The following TAFA1 variants were observed in gnomAD, a reference collection of about 807,000 sequenced individuals.
The protein encoded by TAFA1 is chemokine-like protein TAFA-1.
Under a neutral mutation model 18.5 loss-of-function variants are expected in TAFA1, and 4 were observed. The ratio of observed to expected loss-of-function variants is 0.22; its 90% CI spans 0.11 to 0.49. The LOEUF (loss-of-function observed/expected upper bound fraction) is 0.49, where lower values mean the gene tolerates loss of function less well. TAFA1 is among the 20% of genes least tolerant of loss of function. The pLI is 0.98. For missense variants in TAFA1, 147 were observed against 169.0 expected (o/e 0.87, Z 0.72); for synonymous variants, 56 against 55.2 (o/e 1.01, Z -0.06).
chr3:68,153,173 A>G (rs908003165), intron 2 of TAFA1, among the ~76,000 whole-genome samples: 42 of 152,176 alleles, frequency 2.8e-4, no homozygotes, highest in Non-Finnish European at 1.5e-4. Context: ...TAATTTTCTC[A>G]GCAAATATTT....
chr3:68,459,114 A>T (rs190972298), intron 3 of TAFA1, among the ~76,000 whole-genome samples: 141 of 152,250 alleles, frequency 9.3e-4, no homozygotes, highest in African/African-American at 3.2e-3. Flanking sequence ...TTTGCCCGTC[A>T]TTGAGTGCAG....
At chr3:68,016,552 G>A (rs1330757021) in intron 2 of TAFA1, among the ~76,000 whole-genome samples, 2 of 152,156 alleles carry the variant, frequency 1.3e-5, no homozygotes, top group African/African-American at 4.8e-5. Flanking sequence ...TATACAGCTT[G>A]TAGCTTAGGA....
chr3:68,123,772 T>C (rs1424381176), intron 2 of TAFA1, among the ~76,000 whole-genome samples: 1 of 151,618 alleles, frequency 6.6e-6, no homozygotes, highest in Non-Finnish European at 1.5e-5. Flanking sequence ...AATAAACTGG[T>C]TATTTGTCCC....
intron 3 of TAFA1, among the ~76,000 whole-genome samples, chr3:68,477,547 T>G (rs2072125344): frequency 6.6e-6 from 1 of 152,058 alleles, no homozygotes; most frequent in South Asian, 2.1e-4. Flanking sequence ...GCTAATTTTT[T>G]TTTTTGTATT....
chr3:68,339,999 C>G (rs1159100485), intron 2 of TAFA1, among the ~76,000 whole-genome samples: 1 of 152,168 alleles, frequency 6.6e-6, no homozygotes, highest in East Asian at 1.9e-4. Context: ...GTTTCCTATC[C>G]TTTTTATTTT....
intron 2 of TAFA1, among the ~76,000 whole-genome samples, chr3:68,111,890 T>A (rs1311429460): frequency 6.6e-6 from 1 of 152,104 alleles, no homozygotes; most frequent in Non-Finnish European, 1.5e-5. Context: ...CATTAATAAT[T>A]GCATTAAATG....
chr3:67,998,042 TA>T, the TAFA1 span, among the ~76,000 whole-genome samples: 1 of 151,302 alleles, frequency 6.6e-6, no homozygotes, highest in Non-Finnish European at 1.5e-5. Flanking sequence ...AAACATATAT[TA>T]AACAAAAAAA....
intron 2 of TAFA1, among the ~76,000 whole-genome samples, chr3:68,283,953 A>G (rs1395996515): frequency 6.6e-6 from 1 of 152,188 alleles, no homozygotes; most frequent in Non-Finnish European, 1.5e-5. Flanking sequence ...GGATACATCA[A>G]CTTTAACCAG....
intron 2 of TAFA1, among the ~76,000 whole-genome samples, chr3:68,087,057 G>T (rs1388039161): frequency 6.6e-6 from 1 of 152,138 alleles, no homozygotes; most frequent in African/African-American, 2.4e-5. Flanking sequence ...GGCATTTGTG[G>T]CTTTTTGCAC....
intron 2 of TAFA1, among the ~76,000 whole-genome samples, chr3:68,119,571 C>T (rs1036655399): frequency 3.9e-5 from 5 of 128,174 alleles, no homozygotes; most frequent in Admixed American, 7.7e-5. Context: ...TGTCCAACTT[C>T]GTTTTTTTTT....
At chr3:68,082,861 G>A (rs192531470) in intron 2 of TAFA1, among the ~76,000 whole-genome samples, 15 of 152,248 alleles carry the variant, frequency 9.9e-5, no homozygotes, top group Non-Finnish European at 2.1e-4. Context: ...CGGAGCTATC[G>A]AGTCCTGGTT....
chr3:68,079,175 T>C (rs2064864821), intron 2 of TAFA1, among the ~76,000 whole-genome samples: 1 of 152,258 alleles, frequency 6.6e-6, no homozygotes, highest in Admixed American at 6.5e-5. Flanking sequence ...TATCATTTTT[T>C]ATTGCCGTCT....
At chr3:68,427,257 C>T (rs1000755493) in intron 3 of TAFA1, among the ~76,000 whole-genome samples, 1 of 151,858 alleles carries the variant, frequency 6.6e-6, no homozygotes, top group African/African-American at 2.4e-5. Flanking sequence ...CACTTTTCAT[C>T]CTTTCTTTTT....
chr3:68,457,891 A>C (rs1284477237), intron 3 of TAFA1, among the ~76,000 whole-genome samples: 1 of 152,124 alleles, frequency 6.6e-6, no homozygotes, highest in Non-Finnish European at 1.5e-5. Flanking sequence ...TGTTTTAACA[A>C]ACATCTTGTG....
intron 3 of TAFA1, among the ~76,000 whole-genome samples, chr3:68,433,368 G>A (rs760785942): frequency 1.3e-5 from 2 of 151,900 alleles, no homozygotes; most frequent in Non-Finnish European, 2.9e-5. Context: ...CTTGATTACT[G>A]AAGGATCTTC....
At chr3:68,521,902 T>C (rs1469068250) in intron 3 of TAFA1, among the ~76,000 whole-genome samples, 2 of 138,846 alleles carry the variant, frequency 1.4e-5, no homozygotes, top group East Asian at 2.4e-4. Context: ...CTCTGTTACG[T>C]AGGCTGAAGT....
intron 2 of TAFA1, among the ~76,000 whole-genome samples, chr3:68,381,477 G>A (rs1449408236): frequency 6.6e-6 from 1 of 152,064 alleles, no homozygotes. Context: ...CCTTGAAGAG[G>A]TCCTTCACAT....
intron 4 of TAFA1, 126 bp downstream of exon 4, chr3:68,539,006 C>T: frequency 4.2e-6 from 4 of 960,442 alleles, no homozygotes; most frequent in South Asian, 3.4e-5. Context: ...AGAAAGCATT[C>T]TGAACTATGC....
intron 2 of TAFA1, among the ~76,000 whole-genome samples, chr3:68,020,587 A>G (rs1447756): frequency 0.87 from 131,725 of 152,140 alleles, 58,044 homozygotes; most frequent in South Asian, 0.96. Flanking sequence ...AGGATGGAAC[A>G]GATAAACTGC....
Sources: allele counts gnomAD v4.1 joint callset (sites outside exome capture counted in the v4.1 genomes callset), GRCh38; gene constraint gnomAD v4.1.1; transcripts MANE v1.5; gene names NCBI Gene and HGNC (gene_info 2026-07-23, HGNC 2026-07-21).